Variants in EXPH5 observed in about 807,000 individuals in gnomAD.
The protein encoded by EXPH5 is exophilin 5, also known as exophilin-5.
EXPH5 carries 42 observed loss-of-function variants against 41.1 expected under a neutral mutation model. The ratio of observed to expected loss-of-function variants is 1.02; its 90% CI spans 0.80 to 1.32. The LOEUF (loss-of-function observed/expected upper bound fraction) is 1.32, where lower values mean the gene tolerates loss of function less well. Ranked by LOEUF, EXPH5 falls within the 40% of genes most tolerant of loss-of-function variation. EXPH5 has a pLI of 0.00. For synonymous variants in EXPH5, 798 were observed against 833.5 expected (o/e 0.96, Z 0.73); for missense variants, 2,298 against 2,314.5 (o/e 0.99, Z 0.15).
chr11:108,572,108 A>G (rs1209749598), intron 1 of EXPH5, among the ~76,000 whole-genome samples: 1 of 152,004 alleles, frequency 6.6e-6, no homozygotes, highest in Non-Finnish European at 1.5e-5. Flanking sequence ...GAGCAACTAC[A>G]GTGGAGTTCA....
chr11:108,581,184 G>A (rs2094096927), intron 1 of EXPH5, among the ~76,000 whole-genome samples: 1 of 152,026 alleles, frequency 6.6e-6, no homozygotes, highest in African/African-American at 2.4e-5. Context: ...AGTACCTGTA[G>A]TCCCAGCTAC....
intron 1 of EXPH5, among the ~76,000 whole-genome samples, chr11:108,551,302 A>G (rs1039283878): frequency 1.3e-5 from 2 of 152,246 alleles, no homozygotes; most frequent in African/African-American, 4.8e-5. Flanking sequence ...ACTTTTGCCA[A>G]TTAAACAGGC....
At chr11:108,557,625 G>T (rs928553164) in intron 1 of EXPH5, among the ~76,000 whole-genome samples, 8 of 152,140 alleles carry the variant, frequency 5.3e-5, no homozygotes, top group African/African-American at 1.9e-4. Context: ...TGGGATTACA[G>T]GCACGAGCCA....
chr11:108,581,908 C>A (rs2094099393), intron 1 of EXPH5, among the ~76,000 whole-genome samples: 1 of 151,956 alleles, frequency 6.6e-6, no homozygotes, highest in African/African-American at 2.4e-5. Context: ...AGAATAGATC[C>A]ATTTCTCAAA....
At chr11:108,548,352 T>C (rs1202520371) in intron 1 of EXPH5, among the ~76,000 whole-genome samples, 6 of 152,148 alleles carry the variant, frequency 3.9e-5, no homozygotes, top group African/African-American at 1.4e-4. Flanking sequence ...ACATAAATAA[T>C]CCATGGATAT....
chr11:108,564,059 C>A (rs899237822), intron 1 of EXPH5, among the ~76,000 whole-genome samples: 2 of 152,064 alleles, frequency 1.3e-5, no homozygotes, highest in Non-Finnish European at 2.9e-5. Context: ...GCGGACGGAT[C>A]ACTTGAGGTC....
At position 108,510,417 on chromosome 11, in the gene EXPH5, T is replaced by C. The variant is rs1271476958; in HGVS notation, c.5090A>G (p.Gln1697Arg). The change falls in exon 6 of 6, where the codon CAA becomes CGA. Residue 1697 changes from glutamine to arginine, a missense_variant. Coordinates refer to ENST00000265843, the MANE Select transcript of EXPH5 (RefSeq NM_015065.3). ...GTTTTTAAACTCATTCTGATGTCGT[T>C]GTGAAATGCTGTTAGACTTCTGGTT... ...VSNQKSNSIS[Q>R]RHQNEFKNVS... is the part of the protein sequence containing the mutation. 6.2e-7 allele frequency: 1 copy of C among 1,613,942 alleles called. No homozygotes were observed. The highest frequency in any genetic ancestry group is 1.3e-5 in the African/African-American group (1 of 74,904).
chr11:108,591,379 G>A (rs11212725), intron 1 of EXPH5, among the ~76,000 whole-genome samples: 15,076 of 152,158 alleles, frequency 0.099, 850 homozygotes, highest in East Asian at 0.29. Flanking sequence ...AGCCTGAAGT[G>A]GGTAAGCAGA....
At chr11:108,597,898 T>C (rs1004960707), upstream of EXPH5, among the ~76,000 whole-genome samples, 1 of 152,250 alleles carries the variant, frequency 6.6e-6, no homozygotes, top group Non-Finnish European at 1.5e-5. Flanking sequence ...TGTGGCTTCA[T>C]TCAAAAAATA....
Position 108,554,063 on chromosome 11 carries a change from C to CTTT in EXPH5, c.120-12254_120-12252dup, listed in dbSNP as rs34487456. ...TCCTGGGATGAATGTGGCCCCTGAC[C>CTTT]TTTTTTTTTTTTTTTTTGGTGACAG... On this transcript the variant is annotated intron_variant, in intron 1 of 5. Transcript: ENST00000265843. 6.1e-4 allele frequency among the ~76,000 whole-genome samples: 85 copies of CTTT among 139,160 alleles called. 1 individual carries two copies. In the South Asian group the frequency reaches 0.019, roughly 31 times the overall value. The allele number at this position is 139,160 out of a possible 152,430, so 91.3% of individuals were successfully genotyped here.
intron 1 of EXPH5, among the ~76,000 whole-genome samples, chr11:108,582,937 A>T (rs943108594): frequency 3.3e-5 from 5 of 152,158 alleles, no homozygotes; most frequent in Admixed American, 6.5e-5. Context: ...ACCTCATTTT[A>T]ACTTGATTTT....
intron 3 of EXPH5, among the ~76,000 whole-genome samples, chr11:108,531,916 G>C (rs911420120): frequency 5.9e-5 from 9 of 152,092 alleles, no homozygotes; most frequent in Non-Finnish European, 1.3e-4. Context: ...ATTTACCCTA[G>C]TTAAGACATT....
chr11:108,539,236 A>G, intron 2 of EXPH5, 50 bp from the exon 3 acceptor site: 1 of 1,314,392 alleles, frequency 7.6e-7, no homozygotes, highest in Non-Finnish European at 1.1e-6. Flanking sequence ...CCAAGTAAAT[A>G]TACTTGAAAG....
In EXPH5 at chr11:108,539,114, C is replaced by A. The variant is rs3741046; in HGVS notation, c.353G>T (p.Arg118Leu). Residue 118 changes from arginine to leucine, a missense_variant, in exon 3 of 6, where the codon CGG becomes CTG. Physicochemically the swap from Arg to Leu is moderately radical, Grantham distance 102 (BLOSUM62 -2). Transcript: ENST00000265843. ...AGCAAATGACGATCTGAAGCTCATC[C>A]GGGAAGAAAAAGGTGTCGGCTTTTT... Reference protein sequence around the residue: ...NQKKPTPFSSRMSFRSSFASL... With the variant: ...NQKKPTPFSSLMSFRSSFASL... 62 of 1,611,194 alleles carry A rather than the reference C, an allele frequency of 3.8e-5. No homozygotes were observed. In the East Asian group the frequency reaches 1.2e-3, roughly 31 times the overall value.
At chr11:108,559,428 C>G (rs1414872457) in intron 1 of EXPH5, among the ~76,000 whole-genome samples, 1 of 152,164 alleles carries the variant, frequency 6.6e-6, no homozygotes, top group African/African-American at 2.4e-5. Flanking sequence ...ATGCCTCTTG[C>G]AAGTCTGGTA....
At chr11:108,550,671 C>T (rs1249514907) in intron 1 of EXPH5, among the ~76,000 whole-genome samples, 1 of 151,882 alleles carries the variant, frequency 6.6e-6, no homozygotes, top group Non-Finnish European at 1.5e-5. Context: ...CCCAGCTACT[C>T]GGGAGGCTGA....
chr11:108,520,359 G>A (rs568220142), intron 4 of EXPH5, among the ~76,000 whole-genome samples: 5 of 152,050 alleles, frequency 3.3e-5, no homozygotes, highest in Non-Finnish European at 5.9e-5. Context: ...TGCCAAAAAC[G>A]GTGGGGACTG....
rs540389727 is a variant in EXPH5, at chr11:108,524,126, A to G, written c.492+4010T>C. On this transcript the variant is annotated intron_variant, in intron 4 of 5. Transcript: ENST00000265843. ...TTGTAATATTAGGACTCAGAAAAGC[A>G]TGTTGGAGGCAGGACAGTGTAGTGG... Among the ~76,000 whole-genome samples the G allele has an allele frequency of 6.6e-4, 101 of 152,296 alleles. No individual in the cohort carries two copies. The South Asian group carries it at 7.7e-3, about 12-fold the overall frequency.
intron 3 of EXPH5, among the ~76,000 whole-genome samples, chr11:108,528,711 T>C (rs1439569016): frequency 6.8e-6 from 1 of 147,518 alleles, no homozygotes; most frequent in Non-Finnish European, 1.5e-5. Context: ...TTTTTTTTTT[T>C]TTTTTTTGAG....
Sources: allele counts gnomAD v4.1 joint callset (sites outside exome capture counted in the v4.1 genomes callset), GRCh38; gene constraint gnomAD v4.1.1; transcripts MANE v1.5; gene names NCBI Gene and HGNC (gene_info 2026-07-23, HGNC 2026-07-21).